The following KCNG1 variants were observed in gnomAD, a reference collection of about 807,000 sequenced individuals.
KCNG1 encodes the protein voltage-gated potassium channel regulatory subunit KCNG1.
In KCNG1, 17 loss-of-function variants were observed where a neutral mutation model predicts 32.4. The observed-to-expected ratio is 0.52, with a 90% confidence interval of 0.36 to 0.79. The LOEUF (loss-of-function observed/expected upper bound fraction) is 0.79, where lower values mean the gene tolerates loss of function less well. Ranked by LOEUF, KCNG1 falls within the 30% of genes least tolerant of loss-of-function variation. The pLI is 0.00. For synonymous variants in KCNG1, 358 were observed against 339.9 expected (o/e 1.05, Z -0.59); for missense variants, 441 against 735.2 (o/e 0.60, Z 4.63).
In KCNG1 at chr20:51,015,414, CT is replaced by C; in HGVS notation, c.-26-5051del. On this transcript the variant is annotated intron_variant, in intron 1 of 2. Coordinates refer to ENST00000371571, the MANE Select transcript of KCNG1 (RefSeq NM_002237.4). The surrounding 1 kb of genome is among the most constrained non-coding windows in gnomAD (Gnocchi z 4.4). ...CAGGAGAGAGGGGGGAGATGGGTGT[CT>C]CCCAAGGACGGTGCCAGACCATCAA... 6.6e-6 allele frequency among the ~76,000 whole-genome samples: 1 copy of C among 152,234 alleles called. No individual in the cohort carries two copies. The highest frequency in any genetic ancestry group is 1.9e-4 in the East Asian group (1 of 5,170).
chr20:51,010,425 T>C, intron 1 of KCNG1, 61 bp from the exon 2 acceptor site: 2 of 1,148,832 alleles, frequency 1.7e-6, no homozygotes, highest in African/African-American at 1.5e-5. Context: ...TTGCTGAGAA[T>C]GCAGATTCCG....
At chr20:51,014,208 C>T (rs1177913518) in intron 1 of KCNG1, 1 of 151,900 alleles carries the variant, frequency 6.6e-6, no homozygotes, top group Non-Finnish European at 1.5e-5. Flanking sequence ...GAGGCCAGAA[C>T]TTGCTAAAGG....
At chr20:51,014,283 G>A (rs947925313) in intron 1 of KCNG1, among the ~76,000 whole-genome samples, 7 of 152,174 alleles carry the variant, frequency 4.6e-5, no homozygotes, top group Non-Finnish European at 7.4e-5. Flanking sequence ...TGAGATGGAC[G>A]GCTCAGCACC....
Position 51,004,902 on chromosome 20 carries a change from G to C in KCNG1, c.775-96C>G, listed in dbSNP as rs528531750. On this transcript the variant is annotated intron_variant, in intron 2 of 2. Transcript: ENST00000371571. The surrounding 1 kb of genome is among the most constrained non-coding windows in gnomAD (Gnocchi z 4.3). ...CTGTGCCCTGCTGGGCTTCCCAGGC[G>C]GAAGGTGACCTCTCCAGGTTGAGTG... 7 of 1,311,706 alleles carry C rather than the reference G, an allele frequency of 5.3e-6. No homozygotes were observed. Among genetic ancestry groups the C allele is most frequent in the Non-Finnish European group, 7.1e-6 (7 of 981,524 alleles). 81.3% of individuals were successfully genotyped at this position (1,311,706 alleles called of 1,614,324 possible). A position where few individuals can be genotyped will look rare whatever the true frequency, so the allele number is the denominator to read the frequency against.
rs1013339781 is a variant in KCNG1, at chr20:51,003,879, C to T, written c.*160G>A. On this transcript the variant is annotated 3_prime_UTR_variant, in exon 3 of 3. Coordinates refer to ENST00000371571, the MANE Select transcript of KCNG1 (RefSeq NM_002237.4). ...CCTCTGCTGATGTTCTAGTGTTCTT[C>T]CCGGGGTGTGGGAGTGAGGGTGTCC... 7 of 724,966 alleles carry T rather than the reference C, an allele frequency of 9.7e-6. No individual in the cohort carries two copies. The highest frequency in any genetic ancestry group is 5.8e-5 in the Admixed American group (2 of 34,564). The allele number at this position is 724,966 out of a possible 1,614,324, so 44.9% of individuals were successfully genotyped here. A position where few individuals can be genotyped will look rare whatever the true frequency, so the allele number is the denominator to read the frequency against.
intron 2 of KCNG1, 63 bp downstream of exon 2, chr20:51,009,502 T>C: frequency 6.7e-7 from 1 of 1,481,736 alleles, no homozygotes; most frequent in Non-Finnish European, 9.0e-7. Context: ...CTGGAGGAGG[T>C]GACAATGCTC....
intron 1 of KCNG1, among the ~76,000 whole-genome samples, chr20:51,018,810 C>G (rs1482129014): frequency 1.3e-5 from 2 of 152,218 alleles, no homozygotes; most frequent in African/African-American, 4.8e-5. Flanking sequence ...ATCTGTGGGA[C>G]TCCAGGCCGA....
chr20:51,017,176 G>A (rs530085249), intron 1 of KCNG1, among the ~76,000 whole-genome samples: 1 of 152,320 alleles, frequency 6.6e-6, no homozygotes, highest in African/African-American at 2.4e-5. Flanking sequence ...ATCCCCAGGG[G>A]AGTGGACAGG....
chr20:51,013,299 T>C (rs1486852883), intron 1 of KCNG1, among the ~76,000 whole-genome samples: 1 of 150,986 alleles, frequency 6.6e-6, no homozygotes, highest in Non-Finnish European at 1.5e-5. Context: ...AGACTCTGTC[T>C]AAAACAAAAC....
chr20:51,008,329 T>A (rs6126143), intron 2 of KCNG1, among the ~76,000 whole-genome samples: 116,943 of 151,108 alleles, frequency 0.77, 46,083 homozygotes, highest in Middle Eastern at 0.87. Context: ...TCACAATTTT[T>A]AAAAAAATTT....
At position 51,010,221 on chromosome 20, in the gene KCNG1, A is replaced by G. The variant is rs1988023589; in HGVS notation, c.118T>C (p.Tyr40His). The G allele has an allele frequency of 6.4e-7, 1 of 1,572,906 alleles. No homozygotes were observed. Among genetic ancestry groups the G allele is most frequent in the Admixed American group, 1.8e-5 (1 of 57,006 alleles). ...PQRQAIKGAF[Y>H]RRAQRLRPQD... ...GGCCGCAGCCGCTGCGCCCGGCGGT[A>G]GAACGCGCCCTTGATGGCCTGGCGC... Residue 40 changes from tyrosine to histidine, a missense_variant, in exon 2 of 3, where the codon TAC becomes CAC. Tyr to His is a moderately conservative substitution (Grantham distance 83). This residue lies in a region of KCNG1 where 85 missense variants were observed against 98.2 expected (regional missense o/e 0.87). Coordinates refer to ENST00000371571, the MANE Select transcript of KCNG1 (RefSeq NM_002237.4).
At position 51,010,100 on chromosome 20, in the gene KCNG1, G is replaced by A. The variant is rs981554195; in HGVS notation, c.239C>T (p.Thr80Met). 2.5e-6 allele frequency: 4 copies of A among 1,613,840 alleles called. No homozygotes were observed. The African/African-American group carries it at 5.3e-5, about 22-fold the overall frequency. ...GGIKYSLPWTTLDEFPLTRLG... is the reference protein window; with the variant it reads ...GGIKYSLPWTMLDEFPLTRLG... The stretch of plus-strand genomic sequence containing the variant: ...GCGCGTCAGCGGGAACTCGTCCAGC[G>A]TGGTCCAGGGCAGCGAGTACTTGAT... Residue 80 changes from threonine (T) to methionine (M), a missense_variant, in exon 2 of 3, where the codon ACG becomes ATG. By Grantham distance (81) the Thr-to-Met change is moderately conservative. Around this residue, in one of 6 missense-constraint regions of KCNG1, gnomAD observed 70 missense variants for 158.4 expected, o/e 0.44. Coordinates refer to ENST00000371571, the MANE Select transcript of KCNG1 (RefSeq NM_002237.4).
Position 51,010,393 on chromosome 20 carries a change from A to G in KCNG1, c.-26-29T>C, listed in dbSNP as rs146626610. The G allele has an allele frequency of 1.6e-4, 219 of 1,407,644 alleles. 1 individual carries two copies. In the East Asian group the frequency reaches 5.0e-3, roughly 32 times the overall value. 87.2% of individuals were successfully genotyped at this position (1,407,644 alleles called of 1,614,324 possible). A position where few individuals can be genotyped will look rare whatever the true frequency, so the allele number is the denominator to read the frequency against. Reference sequence around the variant, plus strand: ...TGGGGAGAAGGGAGGGAAGACCCTCAGTGACCACCCCTAGCTTCACCTTGC... The same window carrying G: ...TGGGGAGAAGGGAGGGAAGACCCTCGGTGACCACCCCTAGCTTCACCTTGC... On this transcript the variant is annotated intron_variant, in intron 1 of 2. Transcript: ENST00000371571.
chr20:51,004,922 T>G lies in KCNG1; in HGVS notation c.775-116A>C, dbSNP rs1987769429. ...CAGGCGGAAGGTGACCTCTCCAGGT[T>G]GAGTGGCCCCGGGTCCTCTCCCTAG... is the stretch of plus-strand genomic sequence containing the variant. On this transcript the variant is annotated intron_variant, in intron 2 of 2. Transcript: ENST00000371571. This position sits in a 1 kb window ranked among gnomAD's most constrained non-coding sequence, Gnocchi z 4.3. 5.4e-6 allele frequency: 6 copies of G among 1,113,540 alleles called. No homozygotes were observed. The South Asian group carries it at 8.7e-5, about 16-fold the overall frequency. The allele number at this position is 1,113,540 out of a possible 1,614,324, so 69.0% of individuals were successfully genotyped here. A position where few individuals can be genotyped will look rare whatever the true frequency, so the allele number is the denominator to read the frequency against.
In KCNG1 at chr20:51,004,021, C is replaced by T; in HGVS notation, c.*18G>A. 2 of 1,604,720 alleles carry T rather than the reference C, an allele frequency of 1.2e-6. No individual in the cohort carries two copies. The highest frequency in any genetic ancestry group is 8.5e-7 in the Non-Finnish European group (1 of 1,174,060). On this transcript the variant is annotated 3_prime_UTR_variant, in exon 3 of 3. Transcript: ENST00000371571. This position sits in a 1 kb window ranked among gnomAD's most constrained non-coding sequence, Gnocchi z 4.3. ...TTCGGGCCACAGATGGCAGGCAGGG[C>T]AGGCGTGTCCTCCGCGCTCAGTTAT...
In KCNG1 at chr20:51,005,537, G is replaced by C. The variant is rs1474325136; in HGVS notation, c.775-731C>G. The C allele has an allele frequency of 6.6e-6, 1 of 152,248 alleles. No individual in the cohort carries two copies. The highest frequency in any genetic ancestry group is 1.5e-5 in the Non-Finnish European group (1 of 68,076). 9.4% of individuals were successfully genotyped at this position (152,248 alleles called of 1,614,324 possible). A position where few individuals can be genotyped will look rare whatever the true frequency, so the allele number is the denominator to read the frequency against. On this transcript the variant is annotated intron_variant, in intron 2 of 2. Transcript: ENST00000371571. The surrounding 1 kb of genome is among the most constrained non-coding windows in gnomAD (Gnocchi z 4.0). ...TTTCAAAAGAGGCTGGAAATGTGCA[G>C]TTTTACATGAACTCTCCTGGTGACA...
chr20:51,018,263 G>A (rs1370174338), intron 1 of KCNG1, among the ~76,000 whole-genome samples: 1 of 152,164 alleles, frequency 6.6e-6, no homozygotes. Context: ...CCACTGAGCC[G>A]CTGGCCTCTC....
chr20:51,010,372 G>T lies in KCNG1; in HGVS notation c.-26-8C>A. ...TTCACATCCCTCTCGGGCCTGTGGG[G>T]AGAAGGGAGGGAAGACCCTCAGTGA... On this transcript the variant is annotated splice_region_variant and splice_polypyrimidine_tract_variant and intron_variant, in intron 1 of 2. Transcript: ENST00000371571. 2 of 1,493,752 alleles carry T rather than the reference G, an allele frequency of 1.3e-6. No homozygotes were observed. Among genetic ancestry groups the T allele is most frequent in the Non-Finnish European group, 1.8e-6 (2 of 1,127,646 alleles). The allele number at this position is 1,493,752 out of a possible 1,614,324, so 92.5% of individuals were successfully genotyped here.
At chr20:51,017,986 T>C (rs1988340669) in intron 1 of KCNG1, among the ~76,000 whole-genome samples, 1 of 152,156 alleles carries the variant, frequency 6.6e-6, no homozygotes, top group Non-Finnish European at 1.5e-5. Context: ...ATCTTTCCTT[T>C]GAGGAAAAGG....
Sources: allele counts gnomAD v4.1 joint callset (sites outside exome capture counted in the v4.1 genomes callset), GRCh38; gene constraint gnomAD v4.1.1; regional missense constraint gnomAD v4.1.1; non-coding constraint Gnocchi (gnomAD v3.1); transcripts MANE v1.5; gene names NCBI Gene and HGNC (gene_info 2026-07-23, HGNC 2026-07-21).